Variants in SPATS2L observed in about 807,000 individuals in gnomAD.
SPATS2L encodes the protein spermatogenesis associated serine rich 2 like.
SPATS2L carries 30 observed loss-of-function variants against 59.6 expected under a neutral mutation model. That is an observed-to-expected ratio of 0.50 (90% CI 0.38 to 0.68). The LOEUF is 0.68. Among genes scored for constraint, SPATS2L ranks in the 30% least tolerant of loss-of-function variants. The pLI is 0.00. For synonymous variants in SPATS2L, 252 were observed against 263.5 expected, an observed-to-expected ratio of 0.96 and a Z score of 0.42; for missense variants, 615 against 700.0, an observed-to-expected ratio of 0.88 and a Z score of 1.37.
chr2:200,306,921 AG>A lies in SPATS2L; in HGVS notation c.-73+1del, dbSNP rs1219042708. ...ACGGAGGAGCCGGCGCTCGACACAG[AG>A]GTAAGCCCAGGACCCCCTCCACGCC... On this transcript the variant is annotated splice_region_variant and 5_prime_UTR_variant, in exon 1 of 13. Coordinates refer to ENST00000409140, the MANE Select transcript of SPATS2L (RefSeq NM_001100423.2). 66 of 980,464 alleles carry A rather than the reference AG, an allele frequency of 6.7e-5. No individual in the cohort carries two copies. In the East Asian group the frequency reaches 5.9e-3, roughly 88 times the overall value. 60.7% of individuals were successfully genotyped at this position (980,464 alleles called of 1,614,324 possible). A position where few individuals can be genotyped will look rare whatever the true frequency, so the allele number is the denominator to read the frequency against.
At chr2:200,337,826 C>T (rs1293606854) in intron 2 of SPATS2L, among the ~76,000 whole-genome samples, 1 of 152,202 alleles carries the variant, frequency 6.6e-6, no homozygotes, top group Non-Finnish European at 1.5e-5. Flanking sequence ...ATAAGATATT[C>T]AGCTAGCCCC....
At chr2:200,324,058 G>C (rs2079651947) in intron 1 of SPATS2L, among the ~76,000 whole-genome samples, 1 of 152,120 alleles carries the variant, frequency 6.6e-6, no homozygotes, top group East Asian at 1.9e-4. Context: ...GACTGCAAGA[G>C]AGTAAATCCC....
chr2:200,445,413 C>G (rs534882618), intron 8 of SPATS2L, among the ~76,000 whole-genome samples: 6 of 152,240 alleles, frequency 3.9e-5, no homozygotes, highest in Non-Finnish European at 8.8e-5. Context: ...TCCTTCTCAT[C>G]TGCTACTGAA....
At chr2:200,464,931 TCCTAAA>T (rs1338733451) in intron 9 of SPATS2L, among the ~76,000 whole-genome samples, 1 of 152,204 alleles carries the variant, frequency 6.6e-6, no homozygotes, top group Non-Finnish European at 1.5e-5. Flanking sequence ...AAGGTGTGGA[TCCTAAA>T]CAGTCTTAAG....
At chr2:200,328,278 T>C (rs2079821393) in intron 1 of SPATS2L, among the ~76,000 whole-genome samples, 1 of 152,194 alleles carries the variant, frequency 6.6e-6, no homozygotes, top group African/African-American at 2.4e-5. Flanking sequence ...ATGGAGGTCA[T>C]TACAAAGTGT....
intron 2 of SPATS2L, among the ~76,000 whole-genome samples, chr2:200,354,538 G>A (rs544837165): frequency 6.6e-6 from 1 of 152,184 alleles, no homozygotes; most frequent in Non-Finnish European, 1.5e-5. Context: ...AACCCAGGAG[G>A]TGGAGGTTGC....
intron 8 of SPATS2L, among the ~76,000 whole-genome samples, chr2:200,458,147 C>G (rs1484577269): frequency 6.6e-6 from 1 of 152,168 alleles, no homozygotes; most frequent in Non-Finnish European, 1.5e-5. Flanking sequence ...CCTATGCAAA[C>G]TATACTTCAT....
At chr2:200,440,006 G>C (rs2084580361) in intron 7 of SPATS2L, among the ~76,000 whole-genome samples, 1 of 152,134 alleles carries the variant, frequency 6.6e-6, no homozygotes, top group South Asian at 2.1e-4. Context: ...CATTTTTCTT[G>C]AGGGGGATTT....
In SPATS2L at chr2:200,416,433, G is replaced by A; in HGVS notation, c.198+5G>A. 7.2e-7 allele frequency: 1 copy of A among 1,393,940 alleles called. No homozygotes were observed. The highest frequency in any genetic ancestry group is 9.8e-7 in the Non-Finnish European group (1 of 1,025,044). The allele number at this position is 1,393,940 out of a possible 1,614,324, so 86.3% of individuals were successfully genotyped here. The stretch of plus-strand genomic sequence containing the variant: ...AATATGACAGGAAAAAAGAAGGTAA[G>A]ATTAATATTGATTGTAAATTGGTAA... On this transcript the variant is annotated splice_donor_5th_base_variant and intron_variant, in intron 5 of 12. Coordinates refer to ENST00000409140, the MANE Select transcript of SPATS2L (RefSeq NM_001100423.2).
intron 2 of SPATS2L, among the ~76,000 whole-genome samples, chr2:200,385,373 A>G (rs1218289221): frequency 6.6e-6 from 1 of 152,248 alleles, no homozygotes; most frequent in East Asian, 1.9e-4. Flanking sequence ...TGACTACTTT[A>G]AACAATTAAG....
intron 2 of SPATS2L, among the ~76,000 whole-genome samples, chr2:200,347,934 G>C (rs2080574048): frequency 6.6e-6 from 1 of 152,144 alleles, no homozygotes; most frequent in Non-Finnish European, 1.5e-5. Context: ...CTTATAATAA[G>C]TCATATAACT....
intron 1 of SPATS2L, among the ~76,000 whole-genome samples, chr2:200,325,506 G>C (rs2079706465): frequency 6.6e-6 from 1 of 152,154 alleles, no homozygotes. Context: ...AGCCTCCCGA[G>C]TAGTTGGGAC....
chr2:200,397,663 T>C (rs1236414081), intron 3 of SPATS2L, among the ~76,000 whole-genome samples: 1 of 151,814 alleles, frequency 6.6e-6, no homozygotes, highest in African/African-American at 2.4e-5. Context: ...AATAATATCA[T>C]AGACTTTGTG....
rs1443664044 is a variant in SPATS2L at position 200,480,743 on chromosome 2, A to G, written c.*2712A>G. On this transcript the variant is annotated 3_prime_UTR_variant, in exon 13 of 13. Transcript: ENST00000409140. ...TTGCATTTTTGAAACAGTAATTTCA[A>G]TATTTTAGTGCCAATGTCAGGCCGC... is the stretch of plus-strand genomic sequence containing the variant. The G allele has an allele frequency of 1.3e-5, 2 of 152,202 alleles. No individual in the cohort carries two copies. Among genetic ancestry groups the G allele is most frequent in the African/African-American group, 4.8e-5 (2 of 41,454 alleles). The allele number at this position is 152,202 out of a possible 1,614,324, so 9.4% of individuals were successfully genotyped here.
chr2:200,470,411 C>T (rs1344651747), intron 11 of SPATS2L, among the ~76,000 whole-genome samples: 1 of 152,194 alleles, frequency 6.6e-6, no homozygotes, highest in African/African-American at 2.4e-5. Context: ...GTGCAGGGCC[C>T]AGCTGTTATG....
chr2:200,457,272 C>A (rs2106178142), intron 8 of SPATS2L, among the ~76,000 whole-genome samples: 1 of 151,462 alleles, frequency 6.6e-6, no homozygotes. Flanking sequence ...ATGCCTCTGT[C>A]ATGGCTATGT....
intron 1 of SPATS2L, among the ~76,000 whole-genome samples, chr2:200,326,709 A>T (rs1299170081): frequency 6.6e-6 from 1 of 152,024 alleles, no homozygotes; most frequent in Non-Finnish European, 1.5e-5. Flanking sequence ...ACCTATCAGA[A>T]TAATGCATGA....
chr2:200,387,989 A>T (rs2082044707), intron 2 of SPATS2L, among the ~76,000 whole-genome samples: 1 of 152,196 alleles, frequency 6.6e-6, no homozygotes, highest in Non-Finnish European at 1.5e-5. Flanking sequence ...GGGCCACTTT[A>T]CAAAGAGATT....
At chr2:200,448,271 G>A (rs1005561317) in intron 8 of SPATS2L, among the ~76,000 whole-genome samples, 1 of 152,014 alleles carries the variant, frequency 6.6e-6, no homozygotes, top group Non-Finnish European at 1.5e-5. Context: ...GCTAAACCCT[G>A]TCTCTACTAA....
Sources: allele counts gnomAD v4.1 joint callset (sites outside exome capture counted in the v4.1 genomes callset), GRCh38; gene constraint gnomAD v4.1.1; transcripts MANE v1.5; gene names NCBI Gene and HGNC (gene_info 2026-07-23, HGNC 2026-07-21).